The following CORIN variants were observed in gnomAD, a reference collection of about 807,000 sequenced individuals.
The protein encoded by CORIN is corin, serine peptidase.
CORIN carries 117 observed loss-of-function variants against 125.3 expected under a neutral mutation model. The observed-to-expected ratio is 0.93, with a 90% CI of 0.80 to 1.09. The LOEUF is 1.09. Among genes scored for constraint, CORIN ranks in the 50% least tolerant of loss-of-function variants. The probability of loss-of-function intolerance (pLI) is 0.00; values close to 1 mark genes in which losing one functional copy is unlikely to be tolerated. For synonymous variants in CORIN, 450 were observed against 466.4 expected (o/e 0.96, Z 0.45); for missense variants, 1,253 against 1,306.7 (o/e 0.96, Z 0.63).
intron 21 of CORIN, among the ~76,000 whole-genome samples, chr4:47,596,934 G>T (rs1321805630): frequency 6.6e-6 from 1 of 152,106 alleles, no homozygotes; most frequent in East Asian, 1.9e-4. Flanking sequence ...AGAAGCACAG[G>T]TTAAATAACT....
Position 47,674,516 on chromosome 4 carries a change from A to C in CORIN, c.1250-16T>G. ...GAAGTCTGAACTACAGAGGGAGGAA[A>C]AGGCACATTGGCTTTCATCATCTAC... On this transcript the variant is annotated splice_polypyrimidine_tract_variant and intron_variant, in intron 9 of 21. Transcript: ENST00000273857. The C allele has an allele frequency of 6.7e-7, 1 of 1,493,922 alleles. No individual in the cohort carries two copies. Among genetic ancestry groups the C allele is most frequent in the Non-Finnish European group, 9.3e-7 (1 of 1,070,554 alleles). The allele number at this position is 1,493,922 out of a possible 1,614,324, so 92.5% of individuals were successfully genotyped here.
At chr4:47,743,912 GA>G (rs1490289092) in intron 5 of CORIN, among the ~76,000 whole-genome samples, 1 of 151,544 alleles carries the variant, frequency 6.6e-6, no homozygotes, top group Non-Finnish European at 1.5e-5. Flanking sequence ...ACATGCACAA[GA>G]ATAGTAATAG....
At chr4:47,744,960 T>G in intron 4 of CORIN, among the ~76,000 whole-genome samples, 1 of 152,178 alleles carries the variant, frequency 6.6e-6, no homozygotes, top group East Asian at 1.9e-4. Flanking sequence ...GTCAAAAATA[T>G]GTTATTCTTG....
rs779753769 is a variant in CORIN, at chr4:47,603,574, T to A, written c.2635A>T (p.Ile879Phe). 3 of 1,614,192 alleles carry A rather than the reference T, an allele frequency of 1.9e-6. No homozygotes were observed. Among genetic ancestry groups the A allele is most frequent in the South Asian group, 2.2e-5 (2 of 91,086 alleles). The change falls in exon 20 of 22, where the codon ATC becomes TTC. Residue 879 changes from isoleucine to phenylalanine, a missense_variant. Physicochemically the swap from Ile to Phe is conservative, Grantham distance 21. Coordinates refer to ENST00000273857, the MANE Select transcript of CORIN (RefSeq NM_006587.4). ...GCTCGACTGTAGCGGGGATGCAGGA[T>A]GATGGTCTTCACAAAGCGTGTCTGC... ...FMQTRFVKTI[I>F]LHPRYSRAVV...
At chr4:47,655,829 T>C (rs1408296415) in intron 12 of CORIN, among the ~76,000 whole-genome samples, 1 of 145,884 alleles carries the variant, frequency 6.9e-6, no homozygotes, top group Non-Finnish European at 1.5e-5. Flanking sequence ...ATTTAAGTAA[T>C]ACTTAAAAGT....
intron 5 of CORIN, among the ~76,000 whole-genome samples, chr4:47,736,752 T>A (rs1172781407): frequency 6.6e-6 from 1 of 152,224 alleles, no homozygotes; most frequent in Non-Finnish European, 1.5e-5. Flanking sequence ...GTATGCCTTG[T>A]CCTTCATGGA....
At chr4:47,712,617 G>T (rs189289381) in intron 5 of CORIN, among the ~76,000 whole-genome samples, 4 of 152,310 alleles carry the variant, frequency 2.6e-5, no homozygotes, top group Admixed American at 2.6e-4. Context: ...TATGGCAACA[G>T]GCTTGGGGAA....
chr4:47,677,138 T>C (rs1725059513), intron 9 of CORIN, among the ~76,000 whole-genome samples: 1 of 152,216 alleles, frequency 6.6e-6, no homozygotes, highest in South Asian at 2.1e-4. Flanking sequence ...AGCTCACATA[T>C]ATTGAGTTTT....
At chr4:47,784,052 C>T (rs1298498312) in intron 3 of CORIN, among the ~76,000 whole-genome samples, 1 of 152,030 alleles carries the variant, frequency 6.6e-6, no homozygotes, top group Non-Finnish European at 1.5e-5. Context: ...GCAAGTGATA[C>T]TGGATACATC....
intron 16 of CORIN, among the ~76,000 whole-genome samples, chr4:47,631,670 A>G (rs1184489790): frequency 6.6e-6 from 1 of 152,080 alleles, no homozygotes; most frequent in Non-Finnish European, 1.5e-5. Context: ...CATTCCCCCC[A>G]TCCCATCCCA....
intron 5 of CORIN, among the ~76,000 whole-genome samples, chr4:47,702,966 C>T (rs565437651): frequency 2.6e-5 from 4 of 152,004 alleles, no homozygotes; most frequent in East Asian, 1.9e-4. Context: ...ATGTGCAGAA[C>T]GTGCAGGTTT....
chr4:47,679,708 A>T (rs1560502477), intron 8 of CORIN: 1 of 157,574 alleles, frequency 6.3e-6, no homozygotes, highest in Non-Finnish European at 1.4e-5. Flanking sequence ...CTCTCTGACG[A>T]TTCTTTCCAT....
intron 16 of CORIN, among the ~76,000 whole-genome samples, chr4:47,631,450 G>A (rs991071764): frequency 1.3e-5 from 2 of 152,000 alleles, no homozygotes; most frequent in Admixed American, 6.6e-5. Context: ...TCTGGGTTGC[G>A]TGCTTCTTAT....
intron 19 of CORIN, among the ~76,000 whole-genome samples, chr4:47,618,248 G>C (rs879769395): frequency 7.3e-5 from 11 of 151,078 alleles, no homozygotes; most frequent in Non-Finnish European, 1.2e-4. Flanking sequence ...GCAGGAGAAT[G>C]GCTTGAACTC....
chr4:47,718,264 G>C (rs932588772), intron 5 of CORIN, among the ~76,000 whole-genome samples: 1 of 152,268 alleles, frequency 6.6e-6, no homozygotes, highest in Admixed American at 6.5e-5. Flanking sequence ...CATGTGAAAG[G>C]TTGGATTAAT....
intron 15 of CORIN, chr4:47,642,745 C>G: frequency 1.0e-6 from 1 of 976,748 alleles, no homozygotes; most frequent in South Asian, 1.8e-5. Context: ...AGTTAGAAGT[C>G]TTGGACCTGA....
At chr4:47,761,069 C>A (rs182480023) in intron 4 of CORIN, among the ~76,000 whole-genome samples, 1 of 152,318 alleles carries the variant, frequency 6.6e-6, no homozygotes, top group African/African-American at 2.4e-5. Flanking sequence ...TCCATCCAGA[C>A]CACAAAAACT....
chr4:47,831,791 A>G (rs1004464312), intron 1 of CORIN, among the ~76,000 whole-genome samples: 5 of 151,994 alleles, frequency 3.3e-5, no homozygotes, highest in Admixed American at 3.3e-4. Context: ...TCCTTTGCAT[A>G]TAGGGTCTTT....
At chr4:47,642,496 G>C (rs1165524178) in intron 15 of CORIN, among the ~76,000 whole-genome samples, 2 of 152,186 alleles carry the variant, frequency 1.3e-5, no homozygotes, top group Non-Finnish European at 2.9e-5. Flanking sequence ...ATTATATAAA[G>C]GAGAATCCTC....
Sources: allele counts gnomAD v4.1 joint callset (sites outside exome capture counted in the v4.1 genomes callset), GRCh38; gene constraint gnomAD v4.1.1; transcripts MANE v1.5; gene names NCBI Gene and HGNC (gene_info 2026-07-23, HGNC 2026-07-21).